Variants in ZNF827 observed in about 807,000 individuals in gnomAD.
ZNF827 encodes the protein zinc finger protein 827.
ZNF827 carries 13 observed loss-of-function variants against 102.4 expected under a neutral mutation model. The observed-to-expected ratio is 0.13, with a 90% confidence interval of 0.08 to 0.20. ZNF827 has a LOEUF of 0.20. Among genes scored for constraint, ZNF827 ranks in the 10% least tolerant of loss-of-function variants. ZNF827 has a pLI of 1.00. For missense variants in ZNF827, 1,103 were observed against 1,344.4 expected (o/e 0.82, Z 2.81); for synonymous variants, 523 against 536.2 (o/e 0.98, Z 0.34).
intron 1 of ZNF827, among the ~76,000 whole-genome samples, chr4:145,938,093 GA>G (rs904079748): frequency 1.4e-5 from 2 of 141,902 alleles, no homozygotes; most frequent in African/African-American, 5.2e-5. Flanking sequence ...GAGGGAAAGG[GA>G]AAAAAAAGCC....
chr4:145,785,375 A>G (rs975277206), intron 8 of ZNF827, among the ~76,000 whole-genome samples: 7 of 152,162 alleles, frequency 4.6e-5, no homozygotes, highest in African/African-American at 1.7e-4. Context: ...ACTTTCCTTA[A>G]TTAAACCCAT....
chr4:145,760,472 A>C lies in ZNF827; in HGVS notation c.*1144T>G, dbSNP rs1416856447. The C allele has an allele frequency of 6.5e-6, 1 of 154,662 alleles. No homozygotes were observed. Among genetic ancestry groups the C allele is most frequent in the Non-Finnish European group, 1.4e-5 (1 of 69,834 alleles). 9.6% of individuals were successfully genotyped at this position (154,662 alleles called of 1,614,324 possible). On this transcript the variant is annotated 3_prime_UTR_variant, in exon 15 of 15. Coordinates refer to ENST00000508784, the MANE Select transcript of ZNF827 (RefSeq NM_001306215.2). Reference sequence around the variant, plus strand: ...AACAAGACAAGATTCCTTTCAGAGAAAAGTACGGAGAAGGGCTGAGAGTGG... The same window carrying C: ...AACAAGACAAGATTCCTTTCAGAGACAAGTACGGAGAAGGGCTGAGAGTGG...
intron 7 of ZNF827, chr4:145,831,657 GTGT>G (rs1744221177): frequency 6.6e-6 from 1 of 152,156 alleles, no homozygotes; most frequent in African/African-American, 2.4e-5. Flanking sequence ...AAAACTAAAG[GTGT>G]TGTTAATTTT....
intron 8 of ZNF827, among the ~76,000 whole-genome samples, chr4:145,811,478 T>G (rs2126395915): frequency 6.6e-6 from 1 of 152,304 alleles, no homozygotes; most frequent in South Asian, 2.1e-4. Context: ...ATGTAAGGTC[T>G]GTCTCTGTTG....
chr4:145,898,103 C>T (rs926800411), intron 2 of ZNF827, among the ~76,000 whole-genome samples: 12 of 152,106 alleles, frequency 7.9e-5, no homozygotes, highest in African/African-American at 1.9e-4. Flanking sequence ...TGCAGTGAGC[C>T]GAGATCGCAC....
At chr4:145,811,476 TC>T in intron 8 of ZNF827, among the ~76,000 whole-genome samples, 1 of 152,252 alleles carries the variant, frequency 6.6e-6, no homozygotes, top group South Asian at 2.1e-4. Flanking sequence ...AAATGTAAGG[TC>T]TGTCTCTGTT....
Position 145,849,424 on chromosome 4 carries a change from G to T in ZNF827, c.2119C>A (p.Pro707Thr), listed in dbSNP as rs1266777965. Residue 707 changes from proline to threonine, a missense_variant, in exon 6 of 15, where the codon CCC (proline) becomes ACC (threonine). Around this residue, in one of 5 missense-constraint regions of ZNF827, gnomAD observed 243 missense variants for 251.6 expected, o/e 0.97. Coordinates refer to ENST00000508784, the MANE Select transcript of ZNF827 (RefSeq NM_001306215.2). ...STLIGREKTE[P>T]LQKMPEGRVP... ...CTGCCCTCTGGCATCTTCTGTAAGGGTTCGGTTTTCTCTCGCCCGATTAAA... is the reference window on the plus strand; with the variant it reads ...CTGCCCTCTGGCATCTTCTGTAAGGTTTCGGTTTTCTCTCGCCCGATTAAA... 1.2e-6 allele frequency: 2 copies of T among 1,614,010 alleles called. No individual in the cohort carries two copies. Among genetic ancestry groups the T allele is most frequent in the South Asian group, 1.1e-5 (1 of 91,086 alleles).
rs1376511697 is a variant in ZNF827, at chr4:145,886,020, T to A, written c.1405A>T (p.Ile469Phe). 6.2e-7 allele frequency: 1 copy of A among 1,614,152 alleles called. No individual in the cohort carries two copies. The highest frequency in any genetic ancestry group is 2.2e-5 in the East Asian group (1 of 44,866). ...LRTEAKVKEE[I>F]PDPDVKGSPH... Reference sequence around the variant, plus strand: ...GATCCCTTGACATCTGGGTCTGGGATCTCCTCCTTCACCTTGGCTTCTGTC... The same window carrying A: ...GATCCCTTGACATCTGGGTCTGGGAACTCCTCCTTCACCTTGGCTTCTGTC... The change falls in exon 4 of 15, where the codon ATC becomes TTC. Residue 469 changes from isoleucine to phenylalanine, a missense_variant. Coordinates refer to ENST00000508784, the MANE Select transcript of ZNF827 (RefSeq NM_001306215.2).
intron 8 of ZNF827, among the ~76,000 whole-genome samples, chr4:145,783,068 TAAGCC>T (rs2127003640): frequency 7.1e-6 from 1 of 140,040 alleles, no homozygotes; most frequent in South Asian, 2.2e-4. Context: ...ATATCTTCTA[TAAGCC>T]ATATATATAT....
chr4:145,821,437 C>A (rs1018642777), intron 8 of ZNF827, among the ~76,000 whole-genome samples: 31 of 152,166 alleles, frequency 2.0e-4, no homozygotes, highest in Non-Finnish European at 1.2e-4. Context: ...ATTATTGAGG[C>A]CTTCCTTACA....
intron 13 of ZNF827, chr4:145,764,750 TGCCC>T: frequency 3.6e-6 from 2 of 555,050 alleles, no homozygotes; most frequent in Admixed American, 3.2e-5. Context: ...TCTTTTTTCT[TGCCC>T]TGAATCCCGG....
intron 8 of ZNF827, among the ~76,000 whole-genome samples, chr4:145,783,023 G>A (rs560481650): frequency 5.3e-5 from 8 of 152,154 alleles, no homozygotes; most frequent in East Asian, 3.9e-4. Flanking sequence ...GAATATTTCC[G>A]TTGTACCACT....
chr4:145,831,911 G>A (rs1219296666), intron 7 of ZNF827: 2 of 151,922 alleles, frequency 1.3e-5, no homozygotes, highest in African/African-American at 2.4e-5. Context: ...CAATAGCAAC[G>A]ACCAAACAAA....
Position 145,918,467 on chromosome 4 carries a change from C to T in ZNF827, c.44-15252G>A, listed in dbSNP as rs1579568816. 2.0e-5 allele frequency among the ~76,000 whole-genome samples: 3 copies of T among 148,594 alleles called. No homozygotes were observed. In the South Asian group the frequency reaches 6.4e-4, roughly 32 times the overall value. ...AAAACAGCGATGAGCTAAGATTGCA[C>T]CACTGCACTCCAGCCTGGGCAAAAA... On this transcript the variant is annotated intron_variant, in intron 1 of 14. Transcript: ENST00000508784.
At chr4:145,849,246 T>A (rs558148380) in intron 6 of ZNF827, 76 bp downstream of exon 6, 182 of 1,519,740 alleles carry the variant, frequency 1.2e-4, no homozygotes, top group South Asian at 1.0e-3. Context: ...GGTTTTTTTT[T>A]TTAAAAAAAA....
At chr4:145,879,429 G>A (rs1010997439) in intron 4 of ZNF827, among the ~76,000 whole-genome samples, 5 of 152,208 alleles carry the variant, frequency 3.3e-5, no homozygotes, top group African/African-American at 9.6e-5. Context: ...ACTTCAAGGA[G>A]AATGACACTT....
chr4:145,870,053 C>T (rs1199273587), intron 5 of ZNF827, among the ~76,000 whole-genome samples, 192 bp downstream of exon 5: 2 of 152,174 alleles, frequency 1.3e-5, no homozygotes, highest in African/African-American at 4.8e-5. Flanking sequence ...AAGATAGGTA[C>T]ACAGCTAATA....
chr4:145,787,509 T>G (rs543138511), intron 8 of ZNF827, among the ~76,000 whole-genome samples: 1 of 151,232 alleles, frequency 6.6e-6, no homozygotes, highest in East Asian at 1.9e-4. Flanking sequence ...CAATCTGTGC[T>G]CAGTTAGAAA....
At chr4:145,876,938 A>T (rs1749196027) in intron 4 of ZNF827, 2 of 152,308 alleles carry the variant, frequency 1.3e-5, no homozygotes, top group South Asian at 4.1e-4. Context: ...TTTCAAACTG[A>T]GATCAGCAAA....
Sources: gnomAD v4.1 joint callset for allele counts (sites outside exome capture counted in the v4.1 genomes callset) on GRCh38, gnomAD v4.1.1 for gene constraint, gnomAD v4.1.1 regional missense constraint, MANE v1.5 for transcripts, NCBI Gene and HGNC (gene_info 2026-07-23, HGNC 2026-07-21) for gene names.